The following MCTP1 variants were observed in gnomAD, a reference collection of about 807,000 sequenced individuals.
The protein encoded by MCTP1 is multiple C2 and transmembrane domain containing 1, also known as multiple C2 and transmembrane domain-containing protein 1.
A neutral mutation model predicts 120.6 loss-of-function variants in MCTP1; 69 were observed. That is an observed-to-expected ratio of 0.57 (90% CI 0.47 to 0.70). The LOEUF is 0.70. MCTP1 is among the 30% of genes least tolerant of loss of function. The pLI, the probability that MCTP1 is intolerant of heterozygous loss-of-function variation, is 0.00. For missense variants in MCTP1, 1,203 were observed against 1,248.8 expected (o/e 0.96, Z 0.55); for synonymous variants, 529 against 493.1 (o/e 1.07, Z -0.96).
At chr5:94,784,315 T>C (rs1172435843) in intron 18 of MCTP1, among the ~76,000 whole-genome samples, 2 of 152,064 alleles carry the variant, frequency 1.3e-5, no homozygotes, top group African/African-American at 4.8e-5. Context: ...TATGTGCCAA[T>C]TGGTTTATTA....
At position 94,725,722 on chromosome 5, in the gene MCTP1, A is replaced by T. The variant is rs545823898; in HGVS notation, c.2611-10836T>A. The stretch of plus-strand genomic sequence containing the variant: ...TAAGTATGGTTCAAATGCTGCTTCC[A>T]TCATTTTCTTAGCTAGGTGATTTTG... On this transcript the variant is annotated intron_variant, in intron 19 of 22. Coordinates refer to ENST00000515393, the MANE Select transcript of MCTP1 (RefSeq NM_024717.7). Among the ~76,000 whole-genome samples the T allele has an allele frequency of 3.3e-5, 5 of 152,306 alleles. No homozygotes were observed. The East Asian group carries it at 9.7e-4, about 29-fold the overall frequency.
intron 1 of MCTP1, among the ~76,000 whole-genome samples, chr5:95,216,935 C>G (rs1054076002): frequency 6.6e-6 from 1 of 152,114 alleles, no homozygotes; most frequent in Admixed American, 6.6e-5. Flanking sequence ...AAGAAAACTG[C>G]TAAATAAAAA....
chr5:95,217,471 A>T (rs944601929), intron 1 of MCTP1, among the ~76,000 whole-genome samples: 6 of 152,202 alleles, frequency 3.9e-5, no homozygotes, highest in African/African-American at 1.4e-4. Context: ...TCGAATAAAG[A>T]TGTAGTGGGA....
intron 1 of MCTP1, among the ~76,000 whole-genome samples, chr5:95,259,761 G>T (rs1318930333): frequency 6.6e-6 from 1 of 152,086 alleles, no homozygotes; most frequent in Non-Finnish European, 1.5e-5. Context: ...CCCTGGTGGT[G>T]GTACCCTATC....
At chr5:95,179,856 T>C (rs1748414037) in intron 1 of MCTP1, among the ~76,000 whole-genome samples, 1 of 151,950 alleles carries the variant, frequency 6.6e-6, no homozygotes, top group South Asian at 2.1e-4. Context: ...GAATGGCAAA[T>C]GGATAAGAAT....
intron 19 of MCTP1, among the ~76,000 whole-genome samples, chr5:94,743,259 A>G (rs1439386600): frequency 2.0e-5 from 3 of 151,906 alleles, no homozygotes; most frequent in Admixed American, 6.6e-5. Flanking sequence ...CTGTATTTGG[A>G]GCAGTATTAA....
intron 1 of MCTP1, among the ~76,000 whole-genome samples, chr5:95,182,601 A>AT (rs370706347): frequency 1.6e-4 from 25 of 152,166 alleles, no homozygotes; most frequent in African/African-American, 5.5e-4. Flanking sequence ...ATTTTCATTG[A>AT]TTTTTACAAT....
intron 18 of MCTP1, among the ~76,000 whole-genome samples, chr5:94,786,667 T>C (rs1777777355): frequency 6.6e-6 from 1 of 152,220 alleles, no homozygotes; most frequent in Non-Finnish European, 1.5e-5. Context: ...CTTTATGTAG[T>C]GTACTGTGTG....
chr5:95,252,852 C>CAT (rs1757510721), intron 1 of MCTP1, among the ~76,000 whole-genome samples: 1 of 152,006 alleles, frequency 6.6e-6, no homozygotes. Flanking sequence ...AAGCTAAAAT[C>CAT]ATATATATTT....
chr5:94,935,901 C>T (rs1317689912), intron 5 of MCTP1, among the ~76,000 whole-genome samples: 1 of 151,958 alleles, frequency 6.6e-6, no homozygotes, highest in Non-Finnish European at 1.5e-5. Flanking sequence ...GTTCAGCATG[C>T]CATTTTTACA....
chr5:94,956,222 T>A (rs1822574412), intron 2 of MCTP1, among the ~76,000 whole-genome samples: 1 of 151,798 alleles, frequency 6.6e-6, no homozygotes, highest in Non-Finnish European at 1.5e-5. Flanking sequence ...GCCATCAACA[T>A]CAACAAAAAG....
chr5:94,766,356 A>C (rs1772710481), intron 19 of MCTP1, among the ~76,000 whole-genome samples: 1 of 152,226 alleles, frequency 6.6e-6, no homozygotes, highest in Non-Finnish European at 1.5e-5. Context: ...AAAATGGATG[A>C]GTTCATGTCC....
At chr5:94,960,489 C>A (rs1234515548) in intron 2 of MCTP1, among the ~76,000 whole-genome samples, 2 of 152,080 alleles carry the variant, frequency 1.3e-5, no homozygotes, top group East Asian at 3.8e-4. Context: ...AGGCAACCTA[C>A]AGAATGGGAG....
chr5:94,935,332 C>T (rs1462234807), intron 5 of MCTP1, among the ~76,000 whole-genome samples: 1 of 151,940 alleles, frequency 6.6e-6, no homozygotes, highest in Non-Finnish European at 1.5e-5. Context: ...AACTGGCAAT[C>T]CACACAAGGA....
chr5:94,976,533 A>G (rs544565282), intron 2 of MCTP1, among the ~76,000 whole-genome samples: 11 of 152,190 alleles, frequency 7.2e-5, no homozygotes, highest in Middle Eastern at 3.4e-3. Flanking sequence ...TTTTTATTTG[A>G]TTGATTGATT....
At chr5:94,952,452 T>C (rs1462625108) in intron 3 of MCTP1, among the ~76,000 whole-genome samples, 1 of 152,126 alleles carries the variant, frequency 6.6e-6, no homozygotes, top group African/African-American at 2.4e-5. Flanking sequence ...GTATGCCTAG[T>C]GATTGCTGAA....
chr5:94,934,419 T>G (rs2153486820), intron 5 of MCTP1, among the ~76,000 whole-genome samples: 1 of 152,012 alleles, frequency 6.6e-6, no homozygotes, highest in Admixed American at 6.6e-5. Context: ...AAATTCTTCA[T>G]TAGCAGCTCA....
chr5:94,823,685 G>A (rs1008225432), intron 17 of MCTP1, among the ~76,000 whole-genome samples: 18 of 152,166 alleles, frequency 1.2e-4, no homozygotes, highest in Non-Finnish European at 2.1e-4. Flanking sequence ...AGCATGGAAT[G>A]TTCTTCCATT....
intron 1 of MCTP1, among the ~76,000 whole-genome samples, chr5:95,061,498 G>A (rs560831417): frequency 1.6e-5 from 2 of 123,046 alleles, no homozygotes; most frequent in African/African-American, 3.1e-5. Context: ...TGCAGTGGCG[G>A]GATCTCGGCT....
Sources: allele counts gnomAD v4.1 joint callset (sites outside exome capture counted in the v4.1 genomes callset), GRCh38; gene constraint gnomAD v4.1.1; transcripts MANE v1.5; gene names NCBI Gene and HGNC (gene_info 2026-07-23, HGNC 2026-07-21).